Variants in IFT88 observed in about 807,000 individuals in gnomAD.
IFT88 encodes intraflagellar transport protein 88 homolog.
IFT88 carries 74 observed loss-of-function variants against 119.5 expected under a neutral mutation model. The observed-to-expected ratio is 0.62, with a 90% CI of 0.51 to 0.75. The LOEUF is 0.75. IFT88 is among the 30% of genes least tolerant of loss of function. The pLI, the probability that IFT88 is intolerant of heterozygous loss-of-function variation, is 0.00. For synonymous variants in IFT88, 279 were observed against 316.7 expected (o/e 0.88, Z 1.26); for missense variants, 961 against 977.7 (o/e 0.98, Z 0.23).
At chr13:20,607,448 T>G in intron 13 of IFT88, 1 of 665,970 alleles carries the variant, frequency 1.5e-6, no homozygotes, top group African/African-American at 1.8e-5. Context: ...GGTGTACTTG[T>G]CACTCATCCC....
chr13:20,605,980 G>C (rs953710730), intron 13 of IFT88, among the ~76,000 whole-genome samples: 1 of 151,580 alleles, frequency 6.6e-6, no homozygotes, highest in African/African-American at 2.4e-5. Flanking sequence ...GAAACTCTCT[G>C]AACTGTGTCA....
intron 16 of IFT88, among the ~76,000 whole-genome samples, chr13:20,633,649 A>G (rs1490941819): frequency 6.6e-6 from 1 of 152,240 alleles, no homozygotes; most frequent in African/African-American, 2.4e-5. Context: ...TAGAAAATTT[A>G]AAGAAGCAAA....
At chr13:20,606,638 G>A (rs568259642) in intron 13 of IFT88, among the ~76,000 whole-genome samples, 23 of 152,288 alleles carry the variant, frequency 1.5e-4, no homozygotes, top group South Asian at 8.3e-4. Context: ...CAGCACTTTG[G>A]GAGGCTGAGC....
intron 22 of IFT88, among the ~76,000 whole-genome samples, chr13:20,660,994 C>G (rs193036847): frequency 3.1e-4 from 47 of 152,284 alleles, no homozygotes; most frequent in African/African-American, 1.1e-3. Context: ...AGCTTTAAGA[C>G]TTTCCTGTTT....
In IFT88 at chr13:20,626,321, A is replaced by G. The variant is rs549623289; in HGVS notation, c.1299+472A>G. Reference sequence around the variant, plus strand: ...GTGATCCGCCCGCCTCGGCCTCCCAAAGTGCTGGGATTACAGGTGTGAGCC... The same window carrying G: ...GTGATCCGCCCGCCTCGGCCTCCCAGAGTGCTGGGATTACAGGTGTGAGCC... On this transcript the variant is annotated intron_variant, in intron 15 of 25. Transcript: ENST00000351808. Among the ~76,000 whole-genome samples the G allele has an allele frequency of 7.2e-5, 11 of 151,990 alleles. No homozygotes were observed. The South Asian group carries it at 8.3e-4, about 12-fold the overall frequency.
At chr13:20,622,689 T>G (rs2046727555) in intron 14 of IFT88, among the ~76,000 whole-genome samples, 1 of 152,202 alleles carries the variant, frequency 6.6e-6, no homozygotes, top group Non-Finnish European at 1.5e-5. Flanking sequence ...GGTTTTTGTT[T>G]TGGAGTTTTA....
At chr13:20,608,541 T>G (rs762797057) in intron 13 of IFT88, among the ~76,000 whole-genome samples, 1 of 152,190 alleles carries the variant, frequency 6.6e-6, no homozygotes, top group Non-Finnish European at 1.5e-5. Context: ...TCTGGAAAGC[T>G]GGGATCGCTG....
At chr13:20,579,681 C>CTTG (rs2138191655) in intron 2 of IFT88, among the ~76,000 whole-genome samples, 1 of 152,278 alleles carries the variant, frequency 6.6e-6, no homozygotes, top group East Asian at 1.9e-4. Flanking sequence ...AAGACAAAGT[C>CTTG]CCCTTTACTC....
chr13:20,628,988 A>G (rs924875341), intron 15 of IFT88, among the ~76,000 whole-genome samples: 38 of 152,340 alleles, frequency 2.5e-4, no homozygotes, highest in African/African-American at 8.7e-4. Flanking sequence ...ACAAGGGACT[A>G]TAACACTCCT....
intron 14 of IFT88, among the ~76,000 whole-genome samples, chr13:20,617,762 G>A (rs951031439): frequency 6.6e-6 from 1 of 152,170 alleles, no homozygotes; most frequent in African/African-American, 2.4e-5. Context: ...AGAGAATGCA[G>A]ACTGGAATGC....
chr13:20,622,533 T>C (rs1020501637), intron 14 of IFT88, among the ~76,000 whole-genome samples: 1 of 152,220 alleles, frequency 6.6e-6, no homozygotes, highest in Non-Finnish European at 1.5e-5. Flanking sequence ...AATAAGCGTA[T>C]GGTGGCGTCC....
At chr13:20,660,429 A>C (rs1214924923) in intron 22 of IFT88, among the ~76,000 whole-genome samples, 1 of 152,204 alleles carries the variant, frequency 6.6e-6, no homozygotes, top group Non-Finnish European at 1.5e-5. Context: ...GTGTGGAAGA[A>C]TAATACAATT....
At chr13:20,607,531 GCTT>G in intron 13 of IFT88, 1 of 703,188 alleles carries the variant, frequency 1.4e-6, no homozygotes, top group Non-Finnish European at 2.6e-6. Context: ...GCCACGCTGT[GCTT>G]CTTGTTTCAG....
At chr13:20,662,371 G>A (rs2140819350) in intron 22 of IFT88, among the ~76,000 whole-genome samples, 1 of 151,948 alleles carries the variant, frequency 6.6e-6, no homozygotes, top group East Asian at 1.9e-4. Flanking sequence ...TTCTACCAGA[G>A]GTGCAAAGAG....
chr13:20,657,005 C>T (rs142365373), intron 22 of IFT88, among the ~76,000 whole-genome samples: 1,551 of 152,112 alleles, frequency 0.01, 25 homozygotes, highest in African/African-American at 0.035. Context: ...ACTCTAGGCG[C>T]GCACCACCGT....
chr13:20,624,124 C>T (rs2244137), intron 14 of IFT88, among the ~76,000 whole-genome samples: 140,084 of 152,256 alleles, frequency 0.92, 64,531 homozygotes, highest in East Asian at 1. Flanking sequence ...GCTTGGTACG[C>T]AATCCAAATG....
At chr13:20,685,223 A>G (rs193160443) in intron 24 of IFT88, among the ~76,000 whole-genome samples, 1 of 152,278 alleles carries the variant, frequency 6.6e-6, no homozygotes, top group Middle Eastern at 3.4e-3. Context: ...GCTATTGTTT[A>G]TGGCTAGAGC....
At position 20,691,031 on chromosome 13, in the gene IFT88, G is replaced by A. The variant is rs368832947; in HGVS notation, c.2354-23G>A. 44 of 1,609,802 alleles carry A rather than the reference G, an allele frequency of 2.7e-5. No homozygotes were observed. The Admixed American group carries it at 3.7e-4, about 14-fold the overall frequency. The stretch of plus-strand genomic sequence containing the variant: ...TTTTGTTTGTTTACATAACTCTAAC[G>A]TGACAATCTCTTCGAAACCTAGATG... On this transcript the variant is annotated intron_variant, in intron 25 of 25. Coordinates refer to ENST00000351808, the MANE Select transcript of IFT88 (RefSeq NM_006531.5).
intron 24 of IFT88, among the ~76,000 whole-genome samples, chr13:20,680,418 A>T (rs2057187904): frequency 6.6e-6 from 1 of 152,216 alleles, no homozygotes; most frequent in African/African-American, 2.4e-5. Flanking sequence ...GGGTCTAACC[A>T]TGTTTCTGGC....
Sources: allele counts gnomAD v4.1 joint callset (sites outside exome capture counted in the v4.1 genomes callset), GRCh38; gene constraint gnomAD v4.1.1; transcripts MANE v1.5; gene names NCBI Gene and HGNC (gene_info 2026-07-23, HGNC 2026-07-21).